The following SEL1L2 variants were observed in gnomAD, a reference collection of about 807,000 sequenced individuals.
SEL1L2 encodes the protein protein sel-1 homolog 2.
In SEL1L2, 89 loss-of-function variants were observed where a neutral mutation model predicts 98.8. That is an observed-to-expected ratio of 0.90 (90% CI 0.76 to 1.07). The LOEUF is 1.07. SEL1L2 is among the 50% of genes least tolerant of loss of function. The pLI, the probability that SEL1L2 is intolerant of heterozygous loss-of-function variation, is 0.00. For missense variants in SEL1L2, 788 were observed against 812.0 expected (o/e 0.97, Z 0.36); for synonymous variants, 262 against 278.5 (o/e 0.94, Z 0.59).
In SEL1L2 at chr20:13,876,044, G is replaced by T. The variant is rs912537680; in HGVS notation, c.1098C>A (p.Ala366=). 6.2e-7 allele frequency: 1 copy of T among 1,612,842 alleles called. No individual in the cohort carries two copies. The stretch of plus-strand genomic sequence containing the variant: ...CAGTGCATTGAGGACATACCTTACT[G>T]GCTGCCATGGAAAAGTACTTGAAGG... The part of the protein sequence containing the change: ...ATAFKYFSMA[A]SKGNAIGLHG... Residue 366 remains alanine (A), a synonymous_variant, in exon 12 of 20, where the codon GCC becomes GCA. Coordinates refer to ENST00000284951, the MANE Select transcript of SEL1L2 (RefSeq NM_025229.2).
chr20:13,915,981 C>T (rs1456720538), intron 4 of SEL1L2, among the ~76,000 whole-genome samples: 2 of 152,120 alleles, frequency 1.3e-5, no homozygotes, highest in African/African-American at 2.4e-5. Context: ...GGCTTATCTT[C>T]GAAACTTCTT....
At chr20:13,988,440 C>T (rs1324428559) in intron 1 of SEL1L2, among the ~76,000 whole-genome samples, 3 of 152,162 alleles carry the variant, frequency 2.0e-5, no homozygotes, top group South Asian at 2.1e-4. Context: ...TCCTGCACCT[C>T]CCACACTGAG....
chr20:13,973,366 A>G (rs2051372447), intron 1 of SEL1L2: 1 of 152,244 alleles, frequency 6.6e-6, no homozygotes, highest in Non-Finnish European at 1.5e-5. Context: ...TGCAAGGGCC[A>G]TGCCAATATT....
intron 1 of SEL1L2, among the ~76,000 whole-genome samples, chr20:13,962,151 G>T (rs2050808946): frequency 6.6e-6 from 1 of 152,118 alleles, no homozygotes; most frequent in African/African-American, 2.4e-5. Flanking sequence ...AGGCCTAAGG[G>T]TGGACTATTG....
Position 13,886,384 on chromosome 20 carries a change from T to C in SEL1L2, c.804A>G (p.Glu268=). The change falls in exon 9 of 20, where the codon GAA becomes GAG. Residue 268 remains glutamate (E), a synonymous_variant. Coordinates refer to ENST00000284951, the MANE Select transcript of SEL1L2 (RefSeq NM_025229.2). ...GVPVEKVRLT[E]RPENLSSNSE... ...TGTTAGAACTCAGATTTTCAGGTCTTTCCGTTAGTCTCACTTTTTCCACTG... is the reference window on the plus strand; with the variant it reads ...TGTTAGAACTCAGATTTTCAGGTCTCTCCGTTAGTCTCACTTTTTCCACTG... 1 of 1,614,020 alleles carries C rather than the reference T, an allele frequency of 6.2e-7. No individual in the cohort carries two copies. Among genetic ancestry groups the C allele is most frequent in the Non-Finnish European group, 8.5e-7 (1 of 1,179,920 alleles).
At chr20:13,987,176 C>T (rs534808098) in intron 1 of SEL1L2, among the ~76,000 whole-genome samples, 12 of 152,168 alleles carry the variant, frequency 7.9e-5, no homozygotes, top group African/African-American at 2.9e-4. Context: ...TTTGCACCAA[C>T]CTAATAAATC....
chr20:13,972,869 G>A (rs193116028), intron 1 of SEL1L2, among the ~76,000 whole-genome samples: 444 of 152,162 alleles, frequency 2.9e-3, no homozygotes, highest in Non-Finnish European at 4.5e-3. Context: ...TTCTATGAGC[G>A]GGTCTTTTCC....
intron 4 of SEL1L2, among the ~76,000 whole-genome samples, chr20:13,918,528 TC>T (rs2048509228): frequency 6.7e-6 from 1 of 149,922 alleles, no homozygotes. Flanking sequence ...TCTTTGAATC[TC>T]TGTTTCCAAC....
intron 18 of SEL1L2, among the ~76,000 whole-genome samples, chr20:13,852,027 ATGT>A (rs956857671): frequency 6.6e-6 from 1 of 152,182 alleles, no homozygotes; most frequent in East Asian, 1.9e-4. Context: ...CATTAAATAG[ATGT>A]TGTAAAAACC....
At chr20:13,941,833 G>A (rs1421761530) in intron 2 of SEL1L2, among the ~76,000 whole-genome samples, 1 of 152,202 alleles carries the variant, frequency 6.6e-6, no homozygotes, top group Non-Finnish European at 1.5e-5. Context: ...CCTCACAAAT[G>A]ATAGATAGGT....
At chr20:13,850,676 C>T (rs1334150002) in intron 18 of SEL1L2, among the ~76,000 whole-genome samples, 2 of 152,130 alleles carry the variant, frequency 1.3e-5, no homozygotes, top group East Asian at 1.9e-4. Flanking sequence ...ACCAAACAAC[C>T]GGAATGAGCC....
At chr20:13,913,455 C>T (rs2048284101) in intron 5 of SEL1L2, 1 of 176,604 alleles carries the variant, frequency 5.7e-6, no homozygotes, top group South Asian at 2.0e-4. Flanking sequence ...AAATGGAACG[C>T]ATTTATTAAA....
chr20:13,946,719 G>A (rs375755263), intron 2 of SEL1L2, among the ~76,000 whole-genome samples: 21 of 152,226 alleles, frequency 1.4e-4, no homozygotes, highest in African/African-American at 4.1e-4. Context: ...GCATCCCTGT[G>A]CTCTTGGGGC....
chr20:13,863,754 G>A (rs1256028525), intron 17 of SEL1L2, among the ~76,000 whole-genome samples: 1 of 152,086 alleles, frequency 6.6e-6, no homozygotes, highest in Admixed American at 6.5e-5. Flanking sequence ...GGCAGATCAC[G>A]AGGTCAAGAG....
intron 5 of SEL1L2, among the ~76,000 whole-genome samples, chr20:13,894,274 G>A (rs2047330024): frequency 1.3e-5 from 2 of 152,106 alleles, no homozygotes; most frequent in Non-Finnish European, 2.9e-5. Context: ...ATCAACAAAA[G>A]TCTGGCCAGG....
At chr20:13,869,445 G>T in intron 14 of SEL1L2, 58 bp downstream of exon 14, 2 of 1,251,624 alleles carry the variant, frequency 1.6e-6, no homozygotes, top group Non-Finnish European at 2.4e-6. Context: ...TATAAAAGAA[G>T]CAGACTTAAT....
At chr20:13,868,056 C>T (rs2046008459) in intron 14 of SEL1L2, among the ~76,000 whole-genome samples, 1 of 152,040 alleles carries the variant, frequency 6.6e-6, no homozygotes, top group Admixed American at 6.6e-5. Context: ...TCTCTCACTC[C>T]CCACAGAGAT....
chr20:13,890,897 T>C (rs2148018692), intron 5 of SEL1L2, among the ~76,000 whole-genome samples: 1 of 152,212 alleles, frequency 6.6e-6, no homozygotes, highest in Middle Eastern at 3.4e-3. Context: ...AATTCAATAA[T>C]AGAGTTGATG....
chr20:13,950,809 G>A (rs2050224707), intron 2 of SEL1L2, among the ~76,000 whole-genome samples: 1 of 152,120 alleles, frequency 6.6e-6, no homozygotes, highest in Non-Finnish European at 1.5e-5. Flanking sequence ...CAATAGGGAG[G>A]GAGAAGGATA....
Sources: allele counts gnomAD v4.1 joint callset (sites outside exome capture counted in the v4.1 genomes callset), GRCh38; gene constraint gnomAD v4.1.1; transcripts MANE v1.5; gene names NCBI Gene and HGNC (gene_info 2026-07-23, HGNC 2026-07-21).